Variants in CLVS1 observed in about 807,000 individuals in gnomAD.
CLVS1 encodes clavesin 1, also known as clavesin-1.
In CLVS1, 10 loss-of-function variants were observed where a neutral mutation model predicts 33.1. The ratio of observed to expected loss-of-function variants is 0.30; its 90% confidence interval spans 0.19 to 0.51. CLVS1 has a LOEUF of 0.51. Among genes scored for constraint, CLVS1 ranks in the 20% least tolerant of loss-of-function variants. The probability of loss-of-function intolerance (pLI) is 0.97; values close to 1 mark genes in which losing one functional copy is unlikely to be tolerated. For synonymous variants in CLVS1, 163 were observed against 166.1 expected, an observed-to-expected ratio of 0.98 and a Z score of 0.14; for missense variants, 343 against 433.4, an observed-to-expected ratio of 0.79 and a Z score of 1.85.
intron 2 of CLVS1, 191 bp downstream of exon 2, chr8:61,300,473 A>G: frequency 3.6e-6 from 2 of 559,598 alleles, no homozygotes; most frequent in Non-Finnish European, 6.3e-6. Context: ...GAATTGTAAC[A>G]TTAGAGTTGT....
In CLVS1 at chr8:61,288,050, C is replaced by G. The variant is rs1396758024; in HGVS notation, c.-240C>G. 4.4e-6 allele frequency: 2 copies of G among 453,306 alleles called. No homozygotes were observed. Among genetic ancestry groups the G allele is most frequent in the Non-Finnish European group, 8.9e-6 (2 of 225,290 alleles). The allele number at this position is 453,306 out of a possible 1,614,324, so 28.1% of individuals were successfully genotyped here. Reference sequence around the variant, plus strand: ...CTAGAGAAATCTGAGCCCGAACCTGCCAGAATAGGGGATCTCACCCACCCA... The same window carrying G: ...CTAGAGAAATCTGAGCCCGAACCTGGCAGAATAGGGGATCTCACCCACCCA... On this transcript the variant is annotated 5_prime_UTR_variant, in exon 1 of 6. Transcript: ENST00000325897.
At chr8:61,128,596 C>A (rs1806023101) in intron 1 of CLVS1, among the ~76,000 whole-genome samples, 2 of 152,162 alleles carry the variant, frequency 1.3e-5, no homozygotes, top group Non-Finnish European at 1.5e-5. Flanking sequence ...CAGGGGCCAC[C>A]AAGTGTGACA....
chr8:61,268,112 C>A (rs1221196726), intron 2 of CLVS1, among the ~76,000 whole-genome samples: 1 of 151,772 alleles, frequency 6.6e-6, no homozygotes. Context: ...GTGCACTGCA[C>A]CCACTAACTC....
chr8:61,074,113 G>A (rs1804855686), intron 1 of CLVS1, among the ~76,000 whole-genome samples: 1 of 151,364 alleles, frequency 6.6e-6, no homozygotes, highest in Non-Finnish European at 1.5e-5. Context: ...CAAGGCGGAA[G>A]CATGGCTTGA....
chr8:61,456,709 G>A (rs937272000), intron 4 of CLVS1, among the ~76,000 whole-genome samples: 2 of 152,006 alleles, frequency 1.3e-5, no homozygotes, highest in Non-Finnish European at 2.9e-5. Flanking sequence ...GAGGTCAGGA[G>A]ATCGAGACCA....
chr8:61,133,435 G>A (rs1806137914), intron 2 of CLVS1, among the ~76,000 whole-genome samples: 2 of 152,220 alleles, frequency 1.3e-5, no homozygotes, highest in South Asian at 2.1e-4. Context: ...GCATGGCTGT[G>A]TGGAATAACA....
intron 3 of CLVS1, among the ~76,000 whole-genome samples, chr8:61,424,608 G>A (rs1328313645): frequency 1.3e-5 from 2 of 152,156 alleles, no homozygotes; most frequent in African/African-American, 4.8e-5. Context: ...ACGTATAATA[G>A]TGCTTTAGTT....
intron 2 of CLVS1, among the ~76,000 whole-genome samples, chr8:61,225,802 A>G (rs1563452655): frequency 6.6e-6 from 1 of 152,208 alleles, no homozygotes; most frequent in African/African-American, 2.4e-5. Context: ...ACCCAGGGAA[A>G]ATGATTAGTT....
At chr8:60,976,825 C>A in the CLVS1 span, among the ~76,000 whole-genome samples, 1 of 152,196 alleles carries the variant, frequency 6.6e-6, no homozygotes, top group African/African-American at 2.4e-5. Context: ...TTTCTGCCGC[C>A]CAGTGGGGCA....
chr8:61,212,221 C>T (rs145381548), intron 2 of CLVS1, among the ~76,000 whole-genome samples: 10 of 152,298 alleles, frequency 6.6e-5, no homozygotes, highest in African/African-American at 1.9e-4. Flanking sequence ...AGGGCTGCAG[C>T]GTCTGGGGAG....
Position 61,337,597 on chromosome 8 carries a change from C to T in CLVS1, c.455+37315C>T, listed in dbSNP as rs74887531. 7.9e-3 allele frequency among the ~76,000 whole-genome samples: 1,206 copies of T among 152,246 alleles called. 13 individuals are homozygous for T. Among genetic ancestry groups the T allele is most frequent in the African/African-American group, 0.027 (1,111 of 41,544 alleles). ...CTCTGCTGTGTTCTGCCTTCCAGAT[C>T]GGCCCCACCAGATCCAACCAATTGC... is the stretch of plus-strand genomic sequence containing the variant. On this transcript the variant is annotated intron_variant, in intron 2 of 5. Transcript: ENST00000325897.
intron 2 of CLVS1, among the ~76,000 whole-genome samples, chr8:61,159,808 A>C (rs191438701): frequency 6.6e-6 from 1 of 152,344 alleles, no homozygotes; most frequent in East Asian, 1.9e-4. Context: ...AACAGAAAGA[A>C]AGTGAGCTAC....
intron 5 of CLVS1, among the ~76,000 whole-genome samples, chr8:61,475,504 G>A (rs535351423): frequency 8.5e-5 from 13 of 152,298 alleles, no homozygotes; most frequent in African/African-American, 2.9e-4. Flanking sequence ...GGTGTGAGAT[G>A]GTATCTCATT....
rs919424038 is a variant in CLVS1 at position 61,325,442 on chromosome 8, G to C, written c.455+25160G>C. 2.6e-5 allele frequency among the ~76,000 whole-genome samples: 4 copies of C among 152,148 alleles called. No individual in the cohort carries two copies. The South Asian group carries it at 8.3e-4, about 32-fold the overall frequency. On this transcript the variant is annotated intron_variant, in intron 2 of 5. Transcript: ENST00000325897. ...AGAAGGCTCTTTGCATTTTGGACTA[G>C]CAGTCTATTTTGTTCCAAGCTATTA...
chr8:61,127,698 T>C (rs748132232), intron 1 of CLVS1, among the ~76,000 whole-genome samples: 12 of 152,236 alleles, frequency 7.9e-5, no homozygotes, highest in East Asian at 1.9e-4. Context: ...ATAAGATATA[T>C]CTTTGAATAT....
At chr8:61,448,150 T>G (rs1317845250) in intron 3 of CLVS1, among the ~76,000 whole-genome samples, 4 of 150,918 alleles carry the variant, frequency 2.7e-5, no homozygotes, top group South Asian at 2.1e-4. Flanking sequence ...CAATATATTG[T>G]TTTTTTTTCT....
In CLVS1 at chr8:61,456,192, G is replaced by A. The variant is rs542272773; in HGVS notation, c.741+1941G>A. ...TAGATTCTAAGAGGTAGAGGGTCCA[G>A]CCTCCTCCTTCTGCATTCCTCCATT... On this transcript the variant is annotated intron_variant, in intron 4 of 5. Transcript: ENST00000325897. Among the ~76,000 whole-genome samples the A allele has an allele frequency of 2.7e-3, 407 of 152,252 alleles. 2 individuals are homozygous for A. The highest frequency in any genetic ancestry group is 8.9e-3 in the African/African-American group (370 of 41,544).
chr8:61,363,786 AC>A (rs915252039), intron 2 of CLVS1, among the ~76,000 whole-genome samples: 12 of 152,212 alleles, frequency 7.9e-5, no homozygotes, highest in African/African-American at 2.7e-4. Flanking sequence ...TGACCAGGGA[AC>A]AAAAGTAGGT....
At chr8:61,326,154 C>A (rs1811377140) in intron 2 of CLVS1, among the ~76,000 whole-genome samples, 1 of 152,182 alleles carries the variant, frequency 6.6e-6, no homozygotes, top group African/African-American at 2.4e-5. Flanking sequence ...GAACTAAAAC[C>A]AATGTCATAT....
Sources: gnomAD v4.1 joint callset for allele counts (sites outside exome capture counted in the v4.1 genomes callset) on GRCh38, gnomAD v4.1.1 for gene constraint, MANE v1.5 for transcripts, NCBI Gene and HGNC (gene_info 2026-07-23, HGNC 2026-07-21) for gene names.